Variants in TENM3 observed in about 807,000 individuals in gnomAD.
TENM3 encodes the protein teneurin transmembrane protein 3, also known as teneurin-3.
A neutral mutation model predicts 255.1 loss-of-function variants in TENM3; 63 were observed. The ratio of observed to expected loss-of-function variants is 0.25; its 90% CI spans 0.20 to 0.30. TENM3 has a LOEUF of 0.30. Ranked by LOEUF, TENM3 falls within the 10% of genes least tolerant of loss-of-function variation. The probability of loss-of-function intolerance (pLI) is 1.00; values close to 1 mark genes in which losing one functional copy is unlikely to be tolerated. For synonymous variants in TENM3, 1,306 were observed against 1,322.3 expected (o/e 0.99, Z 0.27); for missense variants, 2,929 against 3,461.1 (o/e 0.85, Z 3.86).
At chr4:182,617,117 G>A (rs990917524) in intron 4 of TENM3, among the ~76,000 whole-genome samples, 13 of 152,130 alleles carry the variant, frequency 8.5e-5, no homozygotes, top group African/African-American at 1.4e-4. Flanking sequence ...TTCACAATGC[G>A]TGGGTAATAG....
the TENM3 span, among the ~76,000 whole-genome samples, chr4:181,733,941 G>A: frequency 2.0e-5 from 3 of 152,092 alleles, no homozygotes; most frequent in Admixed American, 6.6e-5. Context: ...CTTTGTTTGC[G>A]GTTTGGAACC....
chr4:181,615,878 A>G, the TENM3 span, among the ~76,000 whole-genome samples: 2 of 152,210 alleles, frequency 1.3e-5, no homozygotes, highest in African/African-American at 2.4e-5. Flanking sequence ...TGAGAAAGTC[A>G]TTTTATTATC....
rs1561270950 is a variant in TENM3, at chr4:182,799,256, G to T, written c.7345-340G>T. 6.6e-6 allele frequency among the ~76,000 whole-genome samples: 1 copy of T among 152,262 alleles called. No individual in the cohort carries two copies. Among genetic ancestry groups the T allele is most frequent in the African/African-American group, 2.4e-5 (1 of 41,476 alleles). On this transcript the variant is annotated intron_variant, in intron 27 of 27. Coordinates refer to ENST00000511685, the MANE Select transcript of TENM3 (RefSeq NM_001080477.4). This position sits in a 1 kb window ranked among gnomAD's most constrained non-coding sequence, Gnocchi z 4.2. ...AAGCTACGAGCATGCAGATCCGGAT[G>T]AGCTGGGTTCCCCACGTGGGGTGGG...
At chr4:182,049,593 G>A in the TENM3 span, among the ~76,000 whole-genome samples, 18 of 152,220 alleles carry the variant, frequency 1.2e-4, no homozygotes, top group Non-Finnish European at 1.6e-4. Context: ...GACATGAGCC[G>A]TATCCCTGCT....
chr4:182,060,975 T>C, the TENM3 span, among the ~76,000 whole-genome samples: 1 of 152,200 alleles, frequency 6.6e-6, no homozygotes, highest in East Asian at 1.9e-4. Context: ...TATCTCAATA[T>C]GTCACCTGTC....
the TENM3 span, among the ~76,000 whole-genome samples, chr4:182,117,938 A>G: frequency 2.0e-5 from 3 of 152,240 alleles, no homozygotes; most frequent in Admixed American, 2.0e-4. Flanking sequence ...CTCCATTTAC[A>G]TATTTCTTGT....
At chr4:182,457,701 G>T (rs1773990920) in intron 3 of TENM3, among the ~76,000 whole-genome samples, 1 of 151,822 alleles carries the variant, frequency 6.6e-6, no homozygotes, top group South Asian at 2.1e-4. Flanking sequence ...GGGACCACAG[G>T]TGTGTGCCAC....
intron 18 of TENM3, among the ~76,000 whole-genome samples, chr4:182,740,412 A>C (rs2152730445): frequency 6.6e-6 from 1 of 152,368 alleles, no homozygotes; most frequent in South Asian, 2.1e-4. Context: ...GTCTTTTAAA[A>C]TGCGAAGCCA....
the TENM3 span, among the ~76,000 whole-genome samples, chr4:181,512,153 C>T: frequency 2.6e-5 from 4 of 152,172 alleles, no homozygotes; most frequent in African/African-American, 7.2e-5. Context: ...ACTCTTGAAA[C>T]TTCTCGCCAC....
the TENM3 span, among the ~76,000 whole-genome samples, chr4:182,003,696 T>G: frequency 6.6e-6 from 1 of 152,162 alleles, no homozygotes; most frequent in Non-Finnish European, 1.5e-5. Context: ...CACTAATGTT[T>G]ACCAGTCACT....
the TENM3 span, among the ~76,000 whole-genome samples, chr4:181,740,782 A>T: frequency 2.6e-5 from 4 of 152,150 alleles, no homozygotes; most frequent in African/African-American, 9.6e-5. Context: ...AACAAAAATG[A>T]AAGAGAATTC....
chr4:182,008,618 A>G, the TENM3 span, among the ~76,000 whole-genome samples: 5 of 151,822 alleles, frequency 3.3e-5, no homozygotes, highest in Non-Finnish European at 5.9e-5. Context: ...CTAGCTAGCC[A>G]TTCCTCTGAC....
chr4:181,705,737 C>A, the TENM3 span, among the ~76,000 whole-genome samples: 9 of 152,024 alleles, frequency 5.9e-5, no homozygotes, highest in Admixed American at 3.3e-4. Context: ...GGACATGTAC[C>A]CCAGAACTTA....
chr4:181,586,924 A>T, the TENM3 span, among the ~76,000 whole-genome samples: 1 of 152,176 alleles, frequency 6.6e-6, no homozygotes, highest in Non-Finnish European at 1.5e-5. Context: ...GAAATTTCTT[A>T]ACAAAGAATA....
At chr4:181,950,111 A>G in the TENM3 span, among the ~76,000 whole-genome samples, 1 of 152,128 alleles carries the variant, frequency 6.6e-6, no homozygotes. Flanking sequence ...TTCCACCACA[A>G]AAGAAGTGTA....
upstream of TENM3, among the ~76,000 whole-genome samples, chr4:182,241,550 T>C (rs1433659328): frequency 7.8e-6 from 1 of 127,518 alleles, no homozygotes; most frequent in Non-Finnish European, 1.6e-5. Flanking sequence ...GGCGGAGTCT[T>C]ACTCTGTTGC....
chr4:182,585,937 A>G (rs1225935861), intron 3 of TENM3, among the ~76,000 whole-genome samples: 1 of 152,158 alleles, frequency 6.6e-6, no homozygotes, highest in Non-Finnish European at 1.5e-5. Context: ...CAATCTCAAT[A>G]TATCATGTTT....
the TENM3 span, among the ~76,000 whole-genome samples, chr4:181,765,160 C>T: frequency 6.6e-6 from 1 of 152,050 alleles, no homozygotes; most frequent in African/African-American, 2.4e-5. Flanking sequence ...TGTGTTTTTC[C>T]CAACAAATTT....
the TENM3 span, among the ~76,000 whole-genome samples, chr4:181,452,561 C>G: frequency 1.3e-5 from 2 of 152,166 alleles, no homozygotes; most frequent in Non-Finnish European, 2.9e-5. Flanking sequence ...TTTGCTTCCC[C>G]TTCCACCATG....
Sources: gnomAD v4.1 joint callset for allele counts (sites outside exome capture counted in the v4.1 genomes callset) on GRCh38, gnomAD v4.1.1 for gene constraint, Gnocchi (gnomAD v3.1) non-coding constraint, MANE v1.5 for transcripts, NCBI Gene and HGNC (gene_info 2026-07-23, HGNC 2026-07-21) for gene names.